Variants in HPSE2 observed in about 807,000 individuals in gnomAD.
HPSE2 encodes heparanase 2 (inactive).
A neutral mutation model predicts 60.5 loss-of-function variants in HPSE2; 38 were observed. The observed-to-expected ratio is 0.63, with a 90% CI of 0.48 to 0.82. The LOEUF is 0.82. Among genes scored for constraint, HPSE2 ranks in the 40% least tolerant of loss-of-function variants. HPSE2 has a pLI of 0.00. For synonymous variants in HPSE2, 295 were observed against 293.2 expected, an observed-to-expected ratio of 1.01 and a Z score of -0.06; for missense variants, 713 against 740.4, an observed-to-expected ratio of 0.96 and a Z score of 0.43.
intron 3 of HPSE2, among the ~76,000 whole-genome samples, chr10:98,977,946 T>C (rs1956122888): frequency 9.1e-6 from 1 of 109,446 alleles, no homozygotes; most frequent in Non-Finnish European, 2.3e-5. Context: ...ATATTTTATA[T>C]ACCCATGATT....
intron 7 of HPSE2, among the ~76,000 whole-genome samples, chr10:98,629,916 G>T (rs977697501): frequency 1.3e-5 from 2 of 152,062 alleles, no homozygotes; most frequent in African/African-American, 4.8e-5. Context: ...TTCCTTAACT[G>T]GGGAAAAAAA....
At chr10:99,090,557 T>A (rs1016381942) in intron 3 of HPSE2, among the ~76,000 whole-genome samples, 5 of 152,074 alleles carry the variant, frequency 3.3e-5, no homozygotes, top group African/African-American at 1.2e-4. Flanking sequence ...TAAGTATACA[T>A]GCATAAATGA....
intron 3 of HPSE2, among the ~76,000 whole-genome samples, chr10:98,862,634 C>CTA (rs1952485390): frequency 6.6e-6 from 1 of 152,092 alleles, no homozygotes; most frequent in South Asian, 2.1e-4. Flanking sequence ...AGAAGAATCC[C>CTA]TATAGAAGCT....
chr10:98,510,159 C>A (rs1942342485), intron 9 of HPSE2, among the ~76,000 whole-genome samples: 1 of 152,076 alleles, frequency 6.6e-6, no homozygotes, highest in African/African-American at 2.4e-5. Context: ...GAATCTAATG[C>A]ATATTTTTGA....
the HPSE2 span, among the ~76,000 whole-genome samples, chr10:99,299,746 A>G: frequency 6.6e-6 from 1 of 152,166 alleles, no homozygotes; most frequent in Non-Finnish European, 1.5e-5. Flanking sequence ...TGTGCAGTCA[A>G]GCCAGTAAAT....
chr10:99,270,640 C>G, the HPSE2 span, among the ~76,000 whole-genome samples: 1 of 152,082 alleles, frequency 6.6e-6, no homozygotes, highest in Non-Finnish European at 1.5e-5. Flanking sequence ...TTCTATGAAG[C>G]CAGTATCACC....
At chr10:98,823,742 AAAAG>A (rs1366739833) in intron 3 of HPSE2, among the ~76,000 whole-genome samples, 1 of 152,192 alleles carries the variant, frequency 6.6e-6, no homozygotes, top group Non-Finnish European at 1.5e-5. Context: ...AATGCATTAA[AAAAG>A]AAAACAGCAT....
At chr10:99,243,750 A>G in the HPSE2 span, among the ~76,000 whole-genome samples, 4 of 152,104 alleles carry the variant, frequency 2.6e-5, no homozygotes, top group African/African-American at 7.2e-5. Flanking sequence ...AGCCTGGCCA[A>G]CAAGGCAAAA....
the HPSE2 span, among the ~76,000 whole-genome samples, chr10:99,271,976 T>C: frequency 5.9e-5 from 9 of 152,140 alleles, no homozygotes; most frequent in Non-Finnish European, 1.0e-4. Flanking sequence ...TCTCACATTA[T>C]ACAAAGATCA....
chr10:99,226,068 G>A (rs1054903478), intron 2 of HPSE2, among the ~76,000 whole-genome samples: 12 of 151,864 alleles, frequency 7.9e-5, no homozygotes, highest in Non-Finnish European at 1.3e-4. Context: ...AAGAGATTTT[G>A]ACATGGTTTT....
At chr10:98,675,180 T>C (rs1947604375) in intron 6 of HPSE2, among the ~76,000 whole-genome samples, 1 of 152,112 alleles carries the variant, frequency 6.6e-6, no homozygotes, top group African/African-American at 2.4e-5. Context: ...ATCTAGCTGC[T>C]CCCTCTGCCT....
intron 9 of HPSE2, among the ~76,000 whole-genome samples, chr10:98,594,670 T>C (rs1231956526): frequency 1.3e-5 from 2 of 152,216 alleles, no homozygotes; most frequent in Non-Finnish European, 2.9e-5. Context: ...TTCTATTGTG[T>C]ATATATACCA....
intron 3 of HPSE2, among the ~76,000 whole-genome samples, chr10:98,916,071 G>A (rs992247227): frequency 1.7e-4 from 26 of 152,170 alleles, no homozygotes; most frequent in Admixed American, 6.5e-4. Flanking sequence ...AGCCAACGGG[G>A]ATGAGATATT....
intron 3 of HPSE2, among the ~76,000 whole-genome samples, chr10:98,967,391 C>G (rs1283702333): frequency 2.0e-5 from 3 of 152,200 alleles, no homozygotes; most frequent in Non-Finnish European, 4.4e-5. Context: ...TTACCTAACT[C>G]TTCAGCTATT....
chr10:98,870,017 A>G (rs1408037392), intron 3 of HPSE2, among the ~76,000 whole-genome samples: 1 of 152,118 alleles, frequency 6.6e-6, no homozygotes, highest in African/African-American at 2.4e-5. Context: ...GTAAGTTTTA[A>G]CTCTTCGGAT....
At chr10:99,061,927 T>A (rs943866589) in intron 3 of HPSE2, among the ~76,000 whole-genome samples, 1 of 152,142 alleles carries the variant, frequency 6.6e-6, no homozygotes, top group South Asian at 2.1e-4. Context: ...TGGATGGGAA[T>A]GGGACAGTGA....
At chr10:99,175,208 T>A (rs569109393) in intron 2 of HPSE2, among the ~76,000 whole-genome samples, 53 of 152,214 alleles carry the variant, frequency 3.5e-4, no homozygotes, top group African/African-American at 1.2e-3. Context: ...GACACCAAGC[T>A]AGCTGCAGGA....
intron 3 of HPSE2, among the ~76,000 whole-genome samples, chr10:98,977,936 A>G (rs1956122475): frequency 8.9e-6 from 1 of 112,916 alleles, no homozygotes. Flanking sequence ...TAGATCTCAT[A>G]TATTTTATAT....
chr10:99,186,203 T>C (rs1453594399), intron 2 of HPSE2, among the ~76,000 whole-genome samples: 1 of 145,358 alleles, frequency 6.9e-6, no homozygotes, highest in Admixed American at 6.9e-5. Flanking sequence ...AGAGAAAATC[T>C]TGAAAGCAGC....
Sources: allele counts gnomAD v4.1 joint callset (sites outside exome capture counted in the v4.1 genomes callset), GRCh38; gene constraint gnomAD v4.1.1; transcripts MANE v1.5; gene names NCBI Gene and HGNC (gene_info 2026-07-23, HGNC 2026-07-21).